The following TFG variants were observed in gnomAD, a reference collection of about 807,000 sequenced individuals.
TFG encodes the protein trafficking from ER to golgi regulator, also known as protein TFG.
In TFG, 22 loss-of-function variants were observed where a neutral mutation model predicts 51.4. That is an observed-to-expected ratio of 0.43 (90% CI 0.31 to 0.61). The LOEUF (loss-of-function observed/expected upper bound fraction) is 0.61, where lower values mean the gene tolerates loss of function less well. TFG is among the 20% of genes least tolerant of loss of function. The pLI, the probability that TFG is intolerant of heterozygous loss-of-function variation, is 0.12. For missense variants in TFG, 419 were observed against 487.7 expected, an observed-to-expected ratio of 0.86 and a Z score of 1.33; for synonymous variants, 187 against 165.6, an observed-to-expected ratio of 1.13 and a Z score of -0.99.
rs373307369 is a variant in TFG at position 100,728,763 on chromosome 3, G to A, written c.320G>A (p.Arg107Gln). 6.8e-6 allele frequency: 11 copies of A among 1,612,872 alleles called. No individual in the cohort carries two copies. The highest frequency in any genetic ancestry group is 2.2e-5 in the East Asian group (1 of 44,752). ...LESSQVKYLR[R>Q]ELIELRNKVN... is the part of the protein sequence containing the mutation. ...TCAAGTCAGGTGAAATATCTCCGTCGAGAACTGATAGAACTTCGAAATAAA... is the reference window on the plus strand; with the variant it reads ...TCAAGTCAGGTGAAATATCTCCGTCAAGAACTGATAGAACTTCGAAATAAA... The change falls in exon 4 of 8, where the codon CGA becomes CAA. Residue 107 changes from arginine to glutamine, a missense_variant. By Grantham distance (43) the Arg-to-Gln change is conservative (BLOSUM62 1). Around this residue, in one of 3 missense-constraint regions of TFG, gnomAD observed 391 missense variants for 434.4 expected, o/e 0.90. Coordinates refer to ENST00000240851, the MANE Select transcript of TFG (RefSeq NM_006070.6).
At position 100,709,723 on chromosome 3, in the gene TFG, T is replaced by C. The variant is rs1310762610; in HGVS notation, c.-44+2T>C. On this transcript the variant is annotated splice_donor_variant, in intron 1 of 7. Transcript: ENST00000240851. LOFTEE classifies it low-confidence loss of function (5UTR_SPLICE). ...GGCGGCCGCGGCCTCCGCAAGCCGGTATGGCCACTGGAGACGGGGGTTGCG... is the reference window on the plus strand; with the variant it reads ...GGCGGCCGCGGCCTCCGCAAGCCGGCATGGCCACTGGAGACGGGGGTTGCG... The C allele has an allele frequency of 6.6e-6, 1 of 150,866 alleles. No individual in the cohort carries two copies. Among genetic ancestry groups the C allele is most frequent in the Non-Finnish European group, 1.5e-5 (1 of 67,782 alleles). 9.3% of individuals were successfully genotyped at this position (150,866 alleles called of 1,614,324 possible). A position where few individuals can be genotyped will look rare whatever the true frequency, so the allele number is the denominator to read the frequency against.
intron 7 of TFG, among the ~76,000 whole-genome samples, chr3:100,746,125 T>A (rs1425815923): frequency 6.6e-6 from 1 of 152,190 alleles, no homozygotes; most frequent in Non-Finnish European, 1.5e-5. Flanking sequence ...AGGAAGGTTA[T>A]TTTTAGGATG....
intron 1 of TFG, among the ~76,000 whole-genome samples, chr3:100,711,950 G>T (rs953510753): frequency 3.3e-5 from 5 of 152,214 alleles, no homozygotes; most frequent in Admixed American, 2.0e-4. Flanking sequence ...GGAGATTTCT[G>T]TTAATCACTG....
chr3:100,744,263 G>T (rs891235294), intron 6 of TFG: 1 of 152,152 alleles, frequency 6.6e-6, no homozygotes, highest in Non-Finnish European at 1.5e-5. Context: ...CTTTATTAGA[G>T]TCCACGTTAT....
In TFG at chr3:100,748,168, T is replaced by C. The variant is rs2149105830; in HGVS notation, c.840T>C (p.Thr280=). ...TTTCAGCAAGCTATAGTCAGCAGAC[T>C]GGACCTCAACAACCTCAGCAGTTCC... The part of the protein sequence containing the change: ...IQYSASYSQQ[T]GPQQPQQFQG... The change falls in exon 8 of 8, where the codon ACT becomes ACC. Residue 280 remains threonine (T), a synonymous_variant. Coordinates refer to ENST00000240851, the MANE Select transcript of TFG (RefSeq NM_006070.6). 1 of 1,614,066 alleles carries C rather than the reference T, an allele frequency of 6.2e-7. No homozygotes were observed. The highest frequency in any genetic ancestry group is 1.7e-5 in the Admixed American group (1 of 60,012).
At chr3:100,736,532 G>C (rs751673654) in intron 5 of TFG, 44 bp from the exon 6 acceptor site, 2 of 1,593,120 alleles carry the variant, frequency 1.3e-6, no homozygotes, top group East Asian at 4.5e-5. Flanking sequence ...GCTGGGGGAA[G>C]GCCTTGTGTT....
chr3:100,735,358 T>C (rs544297504), intron 5 of TFG, among the ~76,000 whole-genome samples: 6 of 152,234 alleles, frequency 3.9e-5, no homozygotes, highest in Non-Finnish European at 8.8e-5. Context: ...TAATAGCAAG[T>C]ACTTATATGG....
chr3:100,712,304 G>C (rs1054259123), intron 1 of TFG, among the ~76,000 whole-genome samples: 3 of 152,150 alleles, frequency 2.0e-5, no homozygotes, highest in Admixed American at 2.0e-4. Context: ...TGATATGTTG[G>C]GGGAGTAGGT....
intron 3 of TFG, among the ~76,000 whole-genome samples, chr3:100,720,865 T>C (rs2095058910): frequency 6.6e-6 from 1 of 152,178 alleles, no homozygotes; most frequent in Non-Finnish European, 1.5e-5. Context: ...AGTTAAATGG[T>C]AGTGTGATTA....
intron 4 of TFG, among the ~76,000 whole-genome samples, chr3:100,730,349 T>C (rs2095088127): frequency 6.6e-6 from 1 of 152,212 alleles, no homozygotes; most frequent in South Asian, 2.1e-4. Flanking sequence ...ATATTTTTTA[T>C]ACATACTGTT....
At chr3:100,734,172 T>C (rs944812978) in intron 5 of TFG, among the ~76,000 whole-genome samples, 19 of 151,404 alleles carry the variant, frequency 1.3e-4, no homozygotes, top group Non-Finnish European at 2.5e-4. Flanking sequence ...TATCAGAGTT[T>C]TTAATTTTTT....
chr3:100,734,708 G>A (rs138858804), intron 5 of TFG, among the ~76,000 whole-genome samples: 3 of 152,126 alleles, frequency 2.0e-5, no homozygotes, highest in Admixed American at 6.5e-5. Flanking sequence ...AGTCCATTTT[G>A]TATTTCTTAG....
rs2095162575 is a variant in TFG at position 100,748,895 on chromosome 3, C to CT, written c.*367dup. 8.5e-6 allele frequency: 2 copies of CT among 235,724 alleles called. No homozygotes were observed. The highest frequency in any genetic ancestry group is 1.7e-5 in the Non-Finnish European group (2 of 119,704). The allele number at this position is 235,724 out of a possible 1,614,324, so 14.6% of individuals were successfully genotyped here. A position where few individuals can be genotyped will look rare whatever the true frequency, so the allele number is the denominator to read the frequency against. ...TAACATGATGTACTAAAGTAGAGCC[C>CT]TTTGAGAATACAAGATATTATGTAT... On this transcript the variant is annotated 3_prime_UTR_variant, in exon 8 of 8. Transcript: ENST00000240851.
chr3:100,715,872 T>C (rs2095044449), intron 2 of TFG, among the ~76,000 whole-genome samples: 2 of 151,820 alleles, frequency 1.3e-5, no homozygotes, highest in Admixed American at 1.3e-4. Context: ...ATGCCCAGCC[T>C]ACAATTCAGA....
chr3:100,712,909 A>G (rs1356627997), intron 1 of TFG, among the ~76,000 whole-genome samples: 1 of 152,220 alleles, frequency 6.6e-6, no homozygotes, highest in Non-Finnish European at 1.5e-5. Context: ...AACTTGAAGT[A>G]TGGGAATAGC....
chr3:100,727,242 G>A (rs749654396), intron 3 of TFG, among the ~76,000 whole-genome samples: 4 of 152,150 alleles, frequency 2.6e-5, no homozygotes, highest in Non-Finnish European at 5.9e-5. Context: ...CCAGTTTCTG[G>A]CTGCTAGGAG....
chr3:100,741,137 TTTTA>T (rs141295142), intron 6 of TFG, among the ~76,000 whole-genome samples: 3,993 of 152,258 alleles, frequency 0.026, 170 homozygotes, highest in African/African-American at 0.091. Context: ...TATACTATAT[TTTTA>T]AATCATTAGA....
chr3:100,734,434 C>T (rs1045395802), intron 5 of TFG, among the ~76,000 whole-genome samples: 1 of 152,198 alleles, frequency 6.6e-6, no homozygotes, highest in East Asian at 1.9e-4. Flanking sequence ...ACCTTCACTT[C>T]CGGGATTTTC....
intron 2 of TFG, among the ~76,000 whole-genome samples, chr3:100,715,543 T>G (rs2095043395): frequency 6.6e-6 from 1 of 152,250 alleles, no homozygotes; most frequent in Non-Finnish European, 1.5e-5. Context: ...ACCATCTAGC[T>G]AAAGGTATAA....
Sources: gnomAD v4.1 joint callset for allele counts (sites outside exome capture counted in the v4.1 genomes callset) on GRCh38, gnomAD v4.1.1 for gene constraint, gnomAD v4.1.1 regional missense constraint, MANE v1.5 for transcripts, NCBI Gene and HGNC (gene_info 2026-07-23, HGNC 2026-07-21) for gene names.